Variants in MKLN1 observed in about 807,000 individuals in gnomAD.
MKLN1 encodes the protein muskelin.
In MKLN1, 18 loss-of-function variants were observed where a neutral mutation model predicts 99.0. The ratio of observed to expected loss-of-function variants is 0.18; its 90% confidence interval spans 0.13 to 0.27. The LOEUF (loss-of-function observed/expected upper bound fraction) is 0.27. Ranked by LOEUF, MKLN1 falls within the 10% of genes least tolerant of loss-of-function variation. The pLI is 1.00. For synonymous variants in MKLN1, 288 were observed against 293.2 expected (o/e 0.98, Z 0.18); for missense variants, 621 against 875.9 (o/e 0.71, Z 3.67).
intron 3 of MKLN1, among the ~76,000 whole-genome samples, chr7:131,284,219 A>T (rs1453575589): frequency 6.6e-6 from 1 of 152,236 alleles, no homozygotes. Flanking sequence ...TGTCCACAGC[A>T]GCTGAACCAA....
intron 12 of MKLN1, among the ~76,000 whole-genome samples, chr7:131,458,988 T>C (rs565105584): frequency 6.6e-6 from 1 of 152,334 alleles, no homozygotes; most frequent in South Asian, 2.1e-4. Flanking sequence ...GCATAACAAA[T>C]TGATTTAATC....
At chr7:131,382,130 C>T (rs1298832251) in intron 2 of MKLN1, among the ~76,000 whole-genome samples, 1 of 151,984 alleles carries the variant, frequency 6.6e-6, no homozygotes, top group Non-Finnish European at 1.5e-5. Context: ...TTTGGGAGGT[C>T]GAGGCAGGCA....
At chr7:131,175,763 G>A (rs905562336) in intron 2 of MKLN1, among the ~76,000 whole-genome samples, 2 of 152,154 alleles carry the variant, frequency 1.3e-5, no homozygotes, top group Admixed American at 6.5e-5. Context: ...AGCTGGGTGT[G>A]GTGGCACACG....
intron 1 of MKLN1, among the ~76,000 whole-genome samples, chr7:131,122,674 C>A (rs1795390494): frequency 6.6e-6 from 1 of 152,164 alleles, no homozygotes; most frequent in Admixed American, 6.5e-5. Context: ...GAAGAGACGT[C>A]TAACCTCTTA....
upstream of MKLN1, chr7:131,327,199 C>T (rs2116678391): frequency 6.6e-6 from 1 of 152,372 alleles, no homozygotes; most frequent in South Asian, 2.1e-4. Flanking sequence ...TGACACGCAG[C>T]TTCCCAACTC....
At chr7:131,338,867 C>T (rs1305595708) in intron 1 of MKLN1, among the ~76,000 whole-genome samples, 1 of 152,224 alleles carries the variant, frequency 6.6e-6, no homozygotes, top group Non-Finnish European at 1.5e-5. Context: ...TTTTCTTCTG[C>T]TTCTGCCACC....
chr7:131,389,424 A>T (rs1170094134), intron 4 of MKLN1, among the ~76,000 whole-genome samples: 1 of 152,034 alleles, frequency 6.6e-6, no homozygotes. Flanking sequence ...GCAGTATATT[A>T]TGGTTATTAT....
intron 1 of MKLN1, among the ~76,000 whole-genome samples, chr7:131,133,598 C>T (rs1182227137): frequency 2.0e-5 from 3 of 150,916 alleles, no homozygotes; most frequent in South Asian, 2.1e-4. Context: ...GTGATCCGCC[C>T]GCCTCGGCCT....
upstream of MKLN1, chr7:131,327,767 C>T (rs550371915): frequency 7.0e-7 from 1 of 1,420,246 alleles, no homozygotes; most frequent in East Asian, 2.5e-5. Context: ...CGGCGCTGGG[C>T]TCGGGTAACG....
At chr7:131,259,110 T>G (rs2116532178) in intron 3 of MKLN1, among the ~76,000 whole-genome samples, 1 of 152,214 alleles carries the variant, frequency 6.6e-6, no homozygotes, top group South Asian at 2.1e-4. Flanking sequence ...CTTTTTGGAT[T>G]TTTTAAAAAA....
Position 131,492,198 on chromosome 7 carries a change from A to G in MKLN1, c.*4470A>G, listed in dbSNP as rs1797442175. ...AATTCAGCATATCATCAGAATTTCC[A>G]TTTACCTTTTGTCTTTTCTTTTTAT... On this transcript the variant is annotated 3_prime_UTR_variant, in exon 18 of 18. Transcript: ENST00000352689. The G allele has an allele frequency of 6.6e-6, 1 of 152,046 alleles. No homozygotes were observed. The highest frequency in any genetic ancestry group is 2.1e-4 in the South Asian group (1 of 4,816). 9.4% of individuals were successfully genotyped at this position (152,046 alleles called of 1,614,324 possible).
chr7:131,256,601 G>T (rs926272059), intron 3 of MKLN1, among the ~76,000 whole-genome samples: 19 of 152,140 alleles, frequency 1.2e-4, no homozygotes, highest in African/African-American at 4.1e-4. Flanking sequence ...AACCAGAAAT[G>T]GTAAATAAGA....
In MKLN1 at chr7:131,495,624, T is replaced by A. The variant is rs1019523862; in HGVS notation, c.*7896T>A. The A allele has an allele frequency of 3.3e-5, 5 of 152,138 alleles. No homozygotes were observed. Among genetic ancestry groups the A allele is most frequent in the African/African-American group, 1.2e-4 (5 of 41,430 alleles). The allele number at this position is 152,138 out of a possible 1,614,324, so 9.4% of individuals were successfully genotyped here. ...AAAAAAAATTAACACAGCCATTCCA[T>A]TGTTTTTTACCACATGGAGAAAGGA... On this transcript the variant is annotated 3_prime_UTR_variant, in exon 18 of 18. Transcript: ENST00000352689.
chr7:131,213,861 G>A (rs992290236), intron 3 of MKLN1, among the ~76,000 whole-genome samples: 2 of 152,034 alleles, frequency 1.3e-5, no homozygotes, highest in Admixed American at 1.3e-4. Context: ...ACACATGGAT[G>A]GTTTTATGCC....
At chr7:131,454,434 A>G (rs1796275527) in intron 12 of MKLN1, among the ~76,000 whole-genome samples, 1 of 152,236 alleles carries the variant, frequency 6.6e-6, no homozygotes, top group Non-Finnish European at 1.5e-5. Flanking sequence ...AGATTCAAGT[A>G]AAATAATAGA....
chr7:131,134,755 G>A (rs892799446), intron 1 of MKLN1, among the ~76,000 whole-genome samples: 8 of 152,084 alleles, frequency 5.3e-5, no homozygotes, highest in African/African-American at 1.9e-4. Flanking sequence ...CCCTTCTTTA[G>A]ACTATTACAG....
chr7:131,479,666 A>G (rs1365687925), intron 17 of MKLN1, among the ~76,000 whole-genome samples: 3 of 151,764 alleles, frequency 2.0e-5, no homozygotes, highest in Non-Finnish European at 4.4e-5. Context: ...CTCTACTAAA[A>G]ATACCAAAAA....
intron 3 of MKLN1, among the ~76,000 whole-genome samples, chr7:131,206,868 A>C (rs1796820613): frequency 6.6e-6 from 1 of 151,924 alleles, no homozygotes; most frequent in South Asian, 2.1e-4. Flanking sequence ...ACTATAGTAT[A>C]TTTTGGGAGG....
At chr7:131,186,450 G>A (rs1796451288) in intron 2 of MKLN1, among the ~76,000 whole-genome samples, 1 of 152,210 alleles carries the variant, frequency 6.6e-6, no homozygotes, top group Admixed American at 6.5e-5. Flanking sequence ...CACGGCTGCA[G>A]AGAACCATGA....
Sources: allele counts gnomAD v4.1 joint callset (sites outside exome capture counted in the v4.1 genomes callset), GRCh38; gene constraint gnomAD v4.1.1; transcripts MANE v1.5; gene names NCBI Gene and HGNC (gene_info 2026-07-23, HGNC 2026-07-21).